The following CLEC1B variants were observed in gnomAD, a reference collection of about 807,000 sequenced individuals.
CLEC1B encodes C-type lectin domain family 1 member B.
In CLEC1B, 26 loss-of-function variants were observed where a neutral mutation model predicts 26.7. The observed-to-expected ratio is 0.97, with a 90% CI of 0.71 to 1.35. CLEC1B has a LOEUF of 1.35. Ranked by LOEUF, CLEC1B falls within the 40% of genes most tolerant of loss-of-function variation. The pLI is 0.00. For missense variants in CLEC1B, 293 were observed against 282.6 expected, an observed-to-expected ratio of 1.04 and a Z score of -0.26; for synonymous variants, 112 against 96.0, an observed-to-expected ratio of 1.17 and a Z score of -0.97.
chr12:9,994,937 T>C (rs1565569942), intron 5 of CLEC1B: 4 of 1,354,392 alleles, frequency 3.0e-6, no homozygotes, highest in East Asian at 3.1e-5. Flanking sequence ...TAAAGGTGGA[T>C]TGTGGCTTAG....
At chr12:10,001,881 CTTTTT>C (rs11436719), upstream of CLEC1B, among the ~76,000 whole-genome samples, 2 of 134,218 alleles carry the variant, frequency 1.5e-5, no homozygotes, top group African/African-American at 5.6e-5. Context: ...TAAACAAAAT[CTTTTT>C]TTTTTTTTTT....
At position 9,997,142 on chromosome 12, in the gene CLEC1B, T is replaced by TA. The variant is rs754612828; in HGVS notation, c.283+17dup. Reference sequence around the variant, plus strand: ...CCAGGGGTTGGAGAGATGAAGAGGTTAAAAAAACAATACTTACTGAAAGTG... The same window carrying TA: ...CCAGGGGTTGGAGAGATGAAGAGGTTAAAAAAAACAATACTTACTGAAAGTG... On this transcript the variant is annotated intron_variant, in intron 3 of 5. Coordinates refer to ENST00000298527, the MANE Select transcript of CLEC1B (RefSeq NM_016509.4). 10 of 1,613,526 alleles carry TA rather than the reference T, an allele frequency of 6.2e-6. No individual in the cohort carries two copies. In the East Asian group the frequency reaches 2.2e-4, roughly 36 times the overall value.
intron 5 of CLEC1B, among the ~76,000 whole-genome samples, chr12:9,994,096 A>G (rs1305708768): frequency 6.6e-6 from 1 of 152,116 alleles, no homozygotes; most frequent in East Asian, 1.9e-4. Flanking sequence ...AGGGAGGCTA[A>G]TTTAGTTTGG....
At chr12:9,998,462 C>A in intron 1 of CLEC1B, 82 bp from the exon 2 acceptor site, 1 of 970,834 alleles carries the variant, frequency 1.0e-6, no homozygotes, top group Non-Finnish European at 1.7e-6. Flanking sequence ...CCTGCCCCTG[C>A]CTTCTCAGGG....
rs763118730 is a variant in CLEC1B at position 9,993,246 on chromosome 12, G to T, written c.587C>A (p.Ala196Asp). The stretch of plus-strand genomic sequence containing the variant: ...GTGCATTTTCCCATTATGAAAATAA[G>T]CACAATTCATATTTCCTTTTCCATC... The part of the protein sequence containing the change: ...LEDGKGNMNC[A>D]YFHNGKMHPT... Residue 196 changes from alanine (A) to aspartate (D), a missense_variant, in exon 6 of 6, where the codon GCT becomes GAT. By Grantham distance (126) the Ala-to-Asp change is moderately radical. Coordinates refer to ENST00000298527, the MANE Select transcript of CLEC1B (RefSeq NM_016509.4). 49 of 1,612,282 alleles carry T rather than the reference G, an allele frequency of 3.0e-5. No homozygotes were observed. The highest frequency in any genetic ancestry group is 4.2e-5 in the Non-Finnish European group (49 of 1,178,672).
At chr12:9,993,870 A>G (rs1264004394) in intron 5 of CLEC1B, among the ~76,000 whole-genome samples, 1 of 152,148 alleles carries the variant, frequency 6.6e-6, no homozygotes, top group Non-Finnish European at 1.5e-5. Flanking sequence ...GTTTATTTGG[A>G]GAATACCTGC....
Position 9,996,856 on chromosome 12 carries a change from C to G in CLEC1B, c.428G>C (p.Arg143Pro). Residue 143 changes from arginine (R) to proline (P), a missense_variant, in exon 4 of 6, where the codon CGG (arginine) becomes CCG (proline). Arg to Pro is a moderately radical substitution (Grantham distance 103, BLOSUM62 -2). Transcript: ENST00000298527. ...TAAGAATCTTCTTACCACAATGTTCCGGTTGTCAATCTTCAGGAGAGTAGC... is the reference window on the plus strand; with the variant it reads ...TAAGAATCTTCTTACCACAATGTTCGGGTTGTCAATCTTCAGGAGAGTAGC... ...MNATLLKIDNRNIVEYIKART... is the reference protein window; with the variant it reads ...MNATLLKIDNPNIVEYIKART... 2.5e-6 allele frequency: 4 copies of G among 1,614,006 alleles called. No individual in the cohort carries two copies. The highest frequency in any genetic ancestry group is 3.4e-6 in the Non-Finnish European group (4 of 1,179,924).
At chr12:9,998,564 T>C (rs7980696) in intron 1 of CLEC1B, among the ~76,000 whole-genome samples, 184 bp from the exon 2 acceptor site, 14,712 of 75,222 alleles carry the variant, frequency 0.2, 3,599 homozygotes, top group Middle Eastern at 0.28. Context: ...CCCTATACCA[T>C]ACATCCATTC....
intron 5 of CLEC1B, among the ~76,000 whole-genome samples, chr12:9,994,496 T>C (rs1042801029): frequency 3.9e-5 from 6 of 152,086 alleles, no homozygotes; most frequent in African/African-American, 1.4e-4. Context: ...GAGACTGCAG[T>C]TTTGATATAC....
intron 5 of CLEC1B, among the ~76,000 whole-genome samples, chr12:9,994,624 G>A (rs1864986551): frequency 6.6e-6 from 1 of 152,056 alleles, no homozygotes; most frequent in Admixed American, 6.6e-5. Context: ...TTCGTTAATG[G>A]ACATTGGAAT....
At chr12:9,998,546 T>C (rs1314804097) in intron 1 of CLEC1B, among the ~76,000 whole-genome samples, 166 bp from the exon 2 acceptor site, 2 of 130,468 alleles carry the variant, frequency 1.5e-5, no homozygotes, top group Non-Finnish European at 3.4e-5. Context: ...ACAATAGGCA[T>C]GGCCCACCCC....
In CLEC1B at chr12:9,998,362, G is replaced by A. The variant is rs2273987; in HGVS notation, c.83C>T (p.Ser28Phe). 0.085 allele frequency: 137,703 copies of A among 1,612,340 alleles called. 6,377 individuals carry two copies. The highest frequency in any genetic ancestry group is 0.16 in the East Asian group (7,294 of 44,842). ...ALISVGSASS[S>F]WWRVMALILL... ...AATCAAAGCCATCACACGCCACCAG[G>A]AGGAGGATGCAGAGCCAACTGTAGG... Residue 28 changes from serine (S) to phenylalanine (F), a missense_variant, in exon 2 of 6, where the codon TCC (serine) becomes TTC (phenylalanine). Physicochemically the swap from Ser to Phe is radical, Grantham distance 155. Coordinates refer to ENST00000298527, the MANE Select transcript of CLEC1B (RefSeq NM_016509.4).
intron 5 of CLEC1B, 173 bp downstream of exon 5, chr12:9,994,967 G>T: frequency 6.7e-7 from 1 of 1,492,048 alleles, no homozygotes; most frequent in Admixed American, 2.0e-5. Context: ...AAAGTAATGG[G>T]AGAGAGGGGA....
rs1381134936 is a variant in CLEC1B, at chr12:9,996,924, G to A, written c.360C>T (p.Asn120=). 7 of 1,613,946 alleles carry A rather than the reference G, an allele frequency of 4.3e-6. No individual in the cohort carries two copies. The highest frequency in any genetic ancestry group is 5.9e-6 in the Non-Finnish European group (7 of 1,179,980). Residue 120 remains asparagine (N), a synonymous_variant, in exon 4 of 6, where the codon AAC becomes AAT. Coordinates refer to ENST00000298527, the MANE Select transcript of CLEC1B (RefSeq NM_016509.4). ...ACTGCTTACTCTCTTCCCATGTTAA[G>A]TTGTGCCTGAAGAACCCATAGCAGC... ...GDSCYGFFRH[N]LTWEESKQYC...
At chr12:9,999,177 A>G (rs1444674940), upstream of CLEC1B, 9 of 917,986 alleles carry the variant, frequency 9.8e-6, no homozygotes, top group East Asian at 2.5e-5. Context: ...CAATTTCAGT[A>G]TCTGTCAGTT....
chr12:9,997,166 T>C lies in CLEC1B; in HGVS notation c.277A>G (p.Thr93Ala), dbSNP rs771971567. ...TTAAAAAAACAATACTTACTGAAAG[T>C]GCCCTTTAGTTCTGATTGTTTTACC... ...YVVKQSELKG[T>A]FKGHKCSPCD... The change falls in exon 3 of 6, where the codon ACT becomes GCT. Residue 93 changes from threonine (T) to alanine (A), a missense_variant. Coordinates refer to ENST00000298527, the MANE Select transcript of CLEC1B (RefSeq NM_016509.4). 1 of 1,613,862 alleles carries C rather than the reference T, an allele frequency of 6.2e-7. No individual in the cohort carries two copies. The highest frequency in any genetic ancestry group is 2.2e-5 in the East Asian group (1 of 44,892).
At chr12:9,995,867 A>G (rs1395054205) in intron 4 of CLEC1B, among the ~76,000 whole-genome samples, 2 of 152,190 alleles carry the variant, frequency 1.3e-5, no homozygotes, top group Non-Finnish European at 2.9e-5. Context: ...TGCTTTAACT[A>G]GAATATACTC....
In CLEC1B at chr12:9,998,568, T is replaced by C. The variant is rs139683806; in HGVS notation, c.65-188A>G. Among the ~76,000 whole-genome samples the C allele has an allele frequency of 3.5e-4, 47 of 134,190 alleles. 5 individuals carry two copies. The East Asian group carries it at 8.5e-3, about 24-fold the overall frequency. The allele number at this position is 134,190 out of a possible 152,430, so 88.0% of individuals were successfully genotyped here. On this transcript the variant is annotated intron_variant, in intron 1 of 5. Coordinates refer to ENST00000298527, the MANE Select transcript of CLEC1B (RefSeq NM_016509.4). ...GCATGGCCCACCCCTATACCATACA[T>C]CCATTCTCATCTCCAATGCACTTTA...
upstream of CLEC1B, among the ~76,000 whole-genome samples, chr12:10,001,764 C>G (rs1865162302): frequency 6.6e-6 from 1 of 152,264 alleles, no homozygotes; most frequent in African/African-American, 2.4e-5. Flanking sequence ...TTTTAATCAC[C>G]CTCCAAGTCC....
Sources: allele counts gnomAD v4.1 joint callset (sites outside exome capture counted in the v4.1 genomes callset), GRCh38; gene constraint gnomAD v4.1.1; transcripts MANE v1.5; gene names NCBI Gene and HGNC (gene_info 2026-07-23, HGNC 2026-07-21).